Variants in YPEL1 observed in about 807,000 individuals in gnomAD.
The protein encoded by YPEL1 is protein yippee-like 1.
In YPEL1, 7 loss-of-function variants were observed where a neutral mutation model predicts 17.3. That is an observed-to-expected ratio of 0.40 (90% CI 0.23 to 0.76). The LOEUF (loss-of-function observed/expected upper bound fraction) is 0.76, where lower values mean the gene tolerates loss of function less well. Among genes scored for constraint, YPEL1 ranks in the 30% least tolerant of loss-of-function variants. YPEL1 has a pLI of 0.35. For missense variants in YPEL1, 91 were observed against 155.5 expected (o/e 0.59, Z 2.21); for synonymous variants, 59 against 59.6 (o/e 0.99, Z 0.05).
chr22:21,730,223 G>C (rs1416213253), intron 1 of YPEL1, among the ~76,000 whole-genome samples: 1 of 151,918 alleles, frequency 6.6e-6, no homozygotes, highest in Non-Finnish European at 1.5e-5. Context: ...CACACATCAG[G>C]GACATTTCCA....
chr22:21,698,018 A>G lies in YPEL1; in HGVS notation c.*3111T>C, dbSNP rs1240875139. 1 of 152,312 alleles carries G rather than the reference A, an allele frequency of 6.6e-6. No individual in the cohort carries two copies. Among genetic ancestry groups the G allele is most frequent in the Non-Finnish European group, 1.5e-5 (1 of 68,036 alleles). 9.4% of individuals were successfully genotyped at this position (152,312 alleles called of 1,614,324 possible). On this transcript the variant is annotated 3_prime_UTR_variant, in exon 5 of 5. Transcript: ENST00000339468. ...CAAACCACATTCCTACAGCAAATGC[A>G]CTGTGCCATTTATAACCCTGACATC...
intron 1 of YPEL1, among the ~76,000 whole-genome samples, chr22:21,715,998 T>G (rs906191720): frequency 5.9e-5 from 9 of 152,008 alleles, no homozygotes; most frequent in African/African-American, 2.2e-4. Flanking sequence ...CCAACCTGAG[T>G]TGATCCACCT....
chr22:21,733,685 A>T (rs1358723487), intron 1 of YPEL1, among the ~76,000 whole-genome samples: 1 of 151,618 alleles, frequency 6.6e-6, no homozygotes, highest in Non-Finnish European at 1.5e-5. Flanking sequence ...CAGTGCCATT[A>T]TACTCCAGCC....
chr22:21,708,220 G>A (rs1042065318), intron 2 of YPEL1, among the ~76,000 whole-genome samples: 3 of 151,908 alleles, frequency 2.0e-5, no homozygotes, highest in Admixed American at 6.6e-5. Context: ...ATGGAGGCAC[G>A]AGGTCTGATC....
At position 21,712,382 on chromosome 22, in the gene YPEL1, A is replaced by AC. The variant is rs2068176287; in HGVS notation, c.-164-1475_-164-1474insG. ...TTGGAATATGTAAAAAAAAAAAAAAAAAACAACTACAACTCAGCAAATCAA... is the reference window on the plus strand; with the variant it reads ...TTGGAATATGTAAAAAAAAAAAAAAACAAACAACTACAACTCAGCAAATCAA... On this transcript the variant is annotated intron_variant, in intron 1 of 4. Coordinates refer to ENST00000339468, the MANE Select transcript of YPEL1 (RefSeq NM_013313.5). Among the ~76,000 whole-genome samples, 4 of 151,114 alleles carry AC rather than the reference A, an allele frequency of 2.6e-5. No homozygotes were observed. In the South Asian group the frequency reaches 8.3e-4, roughly 31 times the overall value.
intron 1 of YPEL1, among the ~76,000 whole-genome samples, chr22:21,715,617 T>G (rs942019643): frequency 4.0e-5 from 6 of 151,860 alleles, no homozygotes; most frequent in African/African-American, 1.5e-4. Context: ...ATGGAATCTC[T>G]GTCGCCCAGG....
rs1188706968 is a variant in YPEL1, at chr22:21,703,381, C to T, written c.259G>A (p.Gly87Arg). 2 of 1,613,486 alleles carry T rather than the reference C, an allele frequency of 1.2e-6. No individual in the cohort carries two copies. The highest frequency in any genetic ancestry group is 1.7e-6 in the Non-Finnish European group (2 of 1,179,934). ...CTTGTGGCACTCACGTATTTCCACC[C>T]GAGCGTGGTCTTGCAGTTCTCGCAG... The part of the protein sequence containing the change: ...IYCENCKTTL[G>R]WKYEHAFESS... Residue 87 changes from glycine to arginine, a missense_variant, in exon 4 of 5, where the codon GGG becomes AGG. Coordinates refer to ENST00000339468, the MANE Select transcript of YPEL1 (RefSeq NM_013313.5). This position sits in a 1 kb window ranked among gnomAD's most constrained non-coding sequence, Gnocchi z 6.1.
rs1186107423 is a variant in YPEL1 at position 21,703,385 on chromosome 22, C to T, written c.255G>A (p.Thr85=). The T allele has an allele frequency of 5.0e-6, 8 of 1,613,404 alleles. No individual in the cohort carries two copies. Among genetic ancestry groups the T allele is most frequent in the Middle Eastern group, 1.6e-4 (1 of 6,084 alleles). Reference sequence around the variant, plus strand: ...TGGCACTCACGTATTTCCACCCGAGCGTGGTCTTGCAGTTCTCGCAGTAGA... The same window carrying T: ...TGGCACTCACGTATTTCCACCCGAGTGTGGTCTTGCAGTTCTCGCAGTAGA... ...ADIYCENCKT[T]LGWKYEHAFE... is the part of the protein sequence containing the mutation. The change falls in exon 4 of 5, where the codon ACG becomes ACA. Residue 85 remains threonine (T), a synonymous_variant. Transcript: ENST00000339468. The surrounding 1 kb of genome is among the most constrained non-coding windows in gnomAD (Gnocchi z 6.1).
At position 21,704,161 on chromosome 22, in the gene YPEL1, A is replaced by G. The variant is rs139147795; in HGVS notation, c.118-279T>C. 603 of 718,220 alleles carry G rather than the reference A, an allele frequency of 8.4e-4. 3 individuals are homozygous for G. In the African/African-American group the frequency reaches 8.9e-3, roughly 11 times the overall value. The allele number at this position is 718,220 out of a possible 1,614,324, so 44.5% of individuals were successfully genotyped here. ...GAATCATGGCAAGATCAGTTTTTAA[A>G]TGGTGAGCTTCATATGTCTGGACAA... On this transcript the variant is annotated intron_variant, in intron 2 of 4. Transcript: ENST00000339468.
intron 1 of YPEL1, among the ~76,000 whole-genome samples, chr22:21,732,697 G>A (rs866258161): frequency 2.5e-4 from 38 of 151,952 alleles, no homozygotes; most frequent in Middle Eastern, 3.4e-3. Flanking sequence ...CAGGAGAATC[G>A]CTTGAACCCG....
chr22:21,704,176 T>A, intron 2 of YPEL1: 1 of 718,164 alleles, frequency 1.4e-6, no homozygotes, highest in Non-Finnish European at 2.6e-6. Flanking sequence ...GAGCTTCATA[T>A]GTCTGGACAA....
chr22:21,706,109 G>A (rs900082649), intron 2 of YPEL1, among the ~76,000 whole-genome samples: 12 of 140,414 alleles, frequency 8.5e-5, no homozygotes, highest in South Asian at 7.0e-4. Flanking sequence ...CAGCTTGGGC[G>A]ACTAGAGTGA....
chr22:21,722,617 G>A (rs551323892), intron 1 of YPEL1, among the ~76,000 whole-genome samples: 3 of 147,646 alleles, frequency 2.0e-5, no homozygotes, highest in Non-Finnish European at 3.1e-5. Flanking sequence ...ACTCTGTCTC[G>A]GGGGCAAAAA....
intron 1 of YPEL1, among the ~76,000 whole-genome samples, chr22:21,727,738 T>A (rs965214942): frequency 1.3e-5 from 2 of 152,136 alleles, no homozygotes; most frequent in African/African-American, 4.8e-5. Context: ...CCCCCTTCAC[T>A]TTTTCAACCA....
At chr22:21,711,432 A>G (rs528719194) in intron 1 of YPEL1, among the ~76,000 whole-genome samples, 38 of 152,338 alleles carry the variant, frequency 2.5e-4, no homozygotes, top group African/African-American at 8.4e-4. Context: ...ACGCCCGGTG[A>G]GTGGGCCCGG....
At chr22:21,716,484 G>A (rs1046690707) in intron 1 of YPEL1, among the ~76,000 whole-genome samples, 5 of 152,400 alleles carry the variant, frequency 3.3e-5, no homozygotes, top group Admixed American at 6.5e-5. Context: ...CCGGGCTTCC[G>A]ATGAGAACTC....
Position 21,703,406 on chromosome 22 carries a change from G to A in YPEL1, c.234C>T (p.Tyr78=). The stretch of plus-strand genomic sequence containing the variant: ...CGAGCGTGGTCTTGCAGTTCTCGCA[G>A]TAGATGTCGGCAACCGCATGCAGCC... ...LTGLHAVADI[Y]CENCKTTLGW... is the part of the protein sequence containing the mutation. Residue 78 remains tyrosine, a synonymous_variant, in exon 4 of 5, where the codon TAC becomes TAT. Coordinates refer to ENST00000339468, the MANE Select transcript of YPEL1 (RefSeq NM_013313.5). The surrounding 1 kb of genome is among the most constrained non-coding windows in gnomAD (Gnocchi z 6.1). 2 of 1,613,578 alleles carry A rather than the reference G, an allele frequency of 1.2e-6. No homozygotes were observed. The highest frequency in any genetic ancestry group is 2.2e-5 in the South Asian group (2 of 91,084).
chr22:21,707,777 G>C (rs2068127771), intron 2 of YPEL1, among the ~76,000 whole-genome samples: 1 of 152,212 alleles, frequency 6.6e-6, no homozygotes, highest in African/African-American at 2.4e-5. Context: ...TGTCTTATCA[G>C]AGTTGGCGCC....
intron 1 of YPEL1, among the ~76,000 whole-genome samples, chr22:21,723,732 C>G (rs1042854623): frequency 2.7e-5 from 4 of 149,136 alleles, no homozygotes; most frequent in African/African-American, 1.0e-4. Context: ...GTTCCCCAGG[C>G]TGGACTCACT....
Sources: allele counts gnomAD v4.1 joint callset (sites outside exome capture counted in the v4.1 genomes callset), GRCh38; gene constraint gnomAD v4.1.1; non-coding constraint Gnocchi (gnomAD v3.1); transcripts MANE v1.5; gene names NCBI Gene and HGNC (gene_info 2026-07-23, HGNC 2026-07-21).